NDUFAF6: variants seen among roughly 807,000 people sequenced by gnomAD.
The protein encoded by NDUFAF6 is NADH dehydrogenase (ubiquinone) complex I, assembly factor 6.
Under a neutral mutation model 40.8 loss-of-function variants are expected in NDUFAF6, and 45 were observed. That is an observed-to-expected ratio of 1.10 (90% CI 0.87 to 1.42). The LOEUF (loss-of-function observed/expected upper bound fraction) is 1.42. NDUFAF6 is among the 40% of genes most tolerant of loss of function. The pLI is 0.00. For synonymous variants in NDUFAF6, 185 were observed against 155.9 expected, an observed-to-expected ratio of 1.19 and a Z score of -1.39; for missense variants, 435 against 418.5, an observed-to-expected ratio of 1.04 and a Z score of -0.34.
chr8:95,073,964 T>A (rs950800941), intron 9 of NDUFAF6, among the ~76,000 whole-genome samples: 2 of 152,206 alleles, frequency 1.3e-5, no homozygotes, highest in African/African-American at 4.8e-5. Flanking sequence ...GTTAATTTTT[T>A]AAGGCATGAT....
Position 95,025,190 on chromosome 8 carries a change from G to T in NDUFAF6, c.182G>T (p.Cys61Phe), listed in dbSNP as rs1399892173. 3 of 1,454,120 alleles carry T rather than the reference G, an allele frequency of 2.1e-6. No individual in the cohort carries two copies. The highest frequency in any genetic ancestry group is 3.0e-5 in the African/African-American group (2 of 67,416). 90.1% of individuals were successfully genotyped at this position (1,454,120 alleles called of 1,614,324 possible). A position where few individuals can be genotyped will look rare whatever the true frequency, so the allele number is the denominator to read the frequency against. Reference sequence around the variant, plus strand: ...GGCGCCTGGGGCACTGACCACTACTGCCTGGAGCTGCTGCGGTGAGCGAGC... The same window carrying T: ...GGCGCCTGGGGCACTGACCACTACTTCCTGGAGCTGCTGCGGTGAGCGAGC... ...GPGAWGTDHY[C>F]LELLRKRDYE... Residue 61 changes from cysteine to phenylalanine, a missense_variant, in exon 1 of 9, where the codon TGC becomes TTC. Transcript: ENST00000396124.
chr8:95,002,969 A>G (rs2131646876), intron 2 of NDUFAF6, among the ~76,000 whole-genome samples: 1 of 152,322 alleles, frequency 6.6e-6, no homozygotes, highest in East Asian at 1.9e-4. Context: ...GAAATTGGCC[A>G]CAGACAACTT....
At chr8:94,910,744 T>G (rs1818727114) in intron 1 of NDUFAF6, among the ~76,000 whole-genome samples, 1 of 152,234 alleles carries the variant, frequency 6.6e-6, no homozygotes, top group Non-Finnish European at 1.5e-5. Context: ...TCATTTAGTT[T>G]ATGAAAATCA....
chr8:94,985,480 TA>T (rs2062449052), intron 2 of NDUFAF6, among the ~76,000 whole-genome samples: 4 of 2,924 alleles, frequency 1.4e-3, no homozygotes, highest in Non-Finnish European at 3.6e-3. Flanking sequence ...TATATATATA[TA>T]TATATATATA....
downstream of NDUFAF6, among the ~76,000 whole-genome samples, chr8:95,061,362 T>C (rs1268360462): frequency 1.3e-5 from 2 of 152,186 alleles, no homozygotes; most frequent in Non-Finnish European, 2.9e-5. Flanking sequence ...GCTTAATCGA[T>C]TGCCTTGTCT....
intron 1 of NDUFAF6, among the ~76,000 whole-genome samples, chr8:94,964,646 C>T (rs1823864861): frequency 6.6e-6 from 1 of 151,946 alleles, no homozygotes; most frequent in South Asian, 2.1e-4. Flanking sequence ...AAGGAGGTGC[C>T]AGCTTCCTTT....
At chr8:94,898,449 G>A (rs1442232960) in intron 1 of NDUFAF6, among the ~76,000 whole-genome samples, 2 of 152,090 alleles carry the variant, frequency 1.3e-5, no homozygotes, top group East Asian at 1.9e-4. Context: ...GATGAATTCC[G>A]GTAGACGAGT....
chr8:94,973,600 C>G (rs557124729), intron 1 of NDUFAF6, among the ~76,000 whole-genome samples: 1 of 151,316 alleles, frequency 6.6e-6, no homozygotes, highest in Admixed American at 6.6e-5. Context: ...CCCAGCTACT[C>G]GGGAGGCTGA....
At chr8:95,011,428 C>A (rs1586961900) in intron 2 of NDUFAF6, among the ~76,000 whole-genome samples, 3 of 152,310 alleles carry the variant, frequency 2.0e-5, no homozygotes, top group African/African-American at 7.2e-5. Context: ...ATGTCACTCC[C>A]TTAATCTGAT....
chr8:95,036,870 G>A (rs1056337703), intron 3 of NDUFAF6, among the ~76,000 whole-genome samples: 4 of 152,194 alleles, frequency 2.6e-5, no homozygotes, highest in Non-Finnish European at 5.9e-5. Flanking sequence ...TGACGTGACC[G>A]GTGTTGAAGC....
chr8:94,925,944 G>T (rs1023246257), intron 1 of NDUFAF6: 1 of 152,552 alleles, frequency 6.6e-6, no homozygotes, highest in East Asian at 1.9e-4. Flanking sequence ...ATATTAATGA[G>T]TATAAAGATA....
At chr8:95,045,860 A>C (rs1830688184) in intron 5 of NDUFAF6, among the ~76,000 whole-genome samples, 1 of 152,086 alleles carries the variant, frequency 6.6e-6, no homozygotes, top group South Asian at 2.1e-4. Context: ...TCAGGCTCTC[A>C]TACAACTACT....
At chr8:94,975,083 T>C (rs1282075937) in intron 1 of NDUFAF6, among the ~76,000 whole-genome samples, 8 of 152,136 alleles carry the variant, frequency 5.3e-5, no homozygotes, top group Admixed American at 1.3e-4. Context: ...AACCAAGTCA[T>C]GTGTTTGCCA....
intron 1 of NDUFAF6, among the ~76,000 whole-genome samples, chr8:94,961,077 A>G (rs1375979899): frequency 2.0e-5 from 3 of 152,232 alleles, no homozygotes; most frequent in East Asian, 3.8e-4. Context: ...TCAAGAGACT[A>G]TCATTCTTTT....
At chr8:94,997,367 CAGAG>C (rs1224899729) in intron 2 of NDUFAF6, among the ~76,000 whole-genome samples, 17 of 98,448 alleles carry the variant, frequency 1.7e-4, no homozygotes, top group African/African-American at 5.6e-4. Flanking sequence ...GAGAGAGAGA[CAGAG>C]AGAATGTAAG....
At chr8:95,045,308 C>T (rs1830610494) in intron 4 of NDUFAF6, among the ~76,000 whole-genome samples, 3 of 152,046 alleles carry the variant, frequency 2.0e-5, no homozygotes, top group African/African-American at 7.2e-5. Context: ...AAAAAAATGC[C>T]ATGTCCATGG....
At chr8:95,059,291 A>G (rs1412023017), downstream of NDUFAF6, among the ~76,000 whole-genome samples, 1 of 152,142 alleles carries the variant, frequency 6.6e-6, no homozygotes, top group Non-Finnish European at 1.5e-5. Flanking sequence ...GAGTGGCTTA[A>G]AATGTTACAT....
intron 1 of NDUFAF6, among the ~76,000 whole-genome samples, chr8:94,932,669 G>A (rs1820534112): frequency 6.6e-6 from 1 of 152,194 alleles, no homozygotes. Context: ...TGGGTGCGGT[G>A]GCGGGCGCCT....
rs111358544 is a variant in NDUFAF6, at chr8:94,997,371, G to C, written c.-84+16398G>C. On this transcript the variant is annotated intron_variant, in intron 2 of 9. Coordinates refer to the NDUFAF6 transcript ENST00000396111. ...AGAGAGAGAGAGAGAGAGAGACAGA[G>C]AGAATGTAAGAGACAGATTTTGAGT... 6.7e-4 allele frequency among the ~76,000 whole-genome samples: 100 copies of C among 148,242 alleles called. 1 individual carries two copies. The highest frequency in any genetic ancestry group is 3.4e-3 in the Middle Eastern group (1 of 292).
Sources: gnomAD v4.1 joint callset for allele counts (sites outside exome capture counted in the v4.1 genomes callset) on GRCh38, gnomAD v4.1.1 for gene constraint, MANE v1.5 for transcripts, NCBI Gene and HGNC (gene_info 2026-07-23, HGNC 2026-07-21) for gene names.